Variants in SSBP3 observed in about 807,000 individuals in gnomAD.
SSBP3 encodes single stranded DNA binding protein 3.
SSBP3 carries 5 observed loss-of-function variants against 69.6 expected under a neutral mutation model. That is an observed-to-expected ratio of 0.07 (90% confidence interval 0.04 to 0.15). SSBP3 has a LOEUF of 0.15. Among genes scored for constraint, SSBP3 ranks in the 10% least tolerant of loss-of-function variants. SSBP3 has a pLI of 1.00. For synonymous variants in SSBP3, 196 were observed against 193.4 expected (o/e 1.01, Z -0.11); for missense variants, 312 against 534.0 (o/e 0.58, Z 4.10).
Position 54,396,003 on chromosome 1 carries a change from C to G in SSBP3, c.276+5858G>C, listed in dbSNP as rs569836435. Among the ~76,000 whole-genome samples the G allele has an allele frequency of 8.6e-5, 13 of 152,012 alleles. No homozygotes were observed. The South Asian group carries it at 2.7e-3, about 32-fold the overall frequency. On this transcript the variant is annotated intron_variant, in intron 4 of 17. Transcript: ENST00000610401. ...GTCAGGAGTTCGAGACCAGCCTGGCCAAGATGGCGAAACCCTGTCTCTACT... is the reference window on the plus strand; with the variant it reads ...GTCAGGAGTTCGAGACCAGCCTGGCGAAGATGGCGAAACCCTGTCTCTACT...
At chr1:54,407,654 TTA>T (rs1649868303), upstream of SSBP3, among the ~76,000 whole-genome samples, 1 of 152,004 alleles carries the variant, frequency 6.6e-6, no homozygotes, top group South Asian at 2.1e-4. Flanking sequence ...CACTGTCTCT[TTA>T]AAAGAGTCAA....
intron 4 of SSBP3, among the ~76,000 whole-genome samples, chr1:54,336,623 C>T (rs1646511853): frequency 6.6e-6 from 1 of 152,180 alleles, no homozygotes; most frequent in African/African-American, 2.4e-5. Flanking sequence ...TCCTAAAAGG[C>T]TTCTCAAGCC....
intron 4 of SSBP3, among the ~76,000 whole-genome samples, chr1:54,353,479 A>T (rs1198823084): frequency 3.9e-5 from 6 of 152,260 alleles, no homozygotes; most frequent in South Asian, 2.1e-4. Context: ...CTCCTCTGAG[A>T]TGTATCCACT....
intron 4 of SSBP3, among the ~76,000 whole-genome samples, chr1:54,347,359 T>A (rs542288850): frequency 6.7e-6 from 1 of 150,186 alleles, no homozygotes; most frequent in African/African-American, 2.5e-5. Flanking sequence ...TTTTTTAATT[T>A]GTCCCCTTTT....
intron 4 of SSBP3, among the ~76,000 whole-genome samples, chr1:54,392,207 C>T (rs1648549151): frequency 6.6e-6 from 1 of 152,146 alleles, no homozygotes; most frequent in Admixed American, 6.6e-5. Context: ...ACTCTGAAAG[C>T]ACAACATGTG....
intron 4 of SSBP3, among the ~76,000 whole-genome samples, chr1:54,358,776 A>G (rs556579861): frequency 6.6e-6 from 1 of 152,318 alleles, no homozygotes; most frequent in Non-Finnish European, 1.5e-5. Context: ...TCAACGACAC[A>G]GGGAAATTCC....
At chr1:54,254,821 CTTTT>C (rs925861679) in intron 7 of SSBP3, among the ~76,000 whole-genome samples, 8 of 152,094 alleles carry the variant, frequency 5.3e-5, no homozygotes, top group Non-Finnish European at 1.0e-4. Flanking sequence ...GTGTGGATTT[CTTTT>C]TTTATCTTTT....
chr1:54,348,220 G>C (rs951458458), intron 4 of SSBP3, among the ~76,000 whole-genome samples: 1 of 117,256 alleles, frequency 8.5e-6, no homozygotes, highest in African/African-American at 3.4e-5. Context: ...TAACCCACAA[G>C]GTTTGGGAAA....
At chr1:54,404,444 G>C (rs936258907) in intron 3 of SSBP3, 132 bp downstream of exon 3, 80 of 1,067,526 alleles carry the variant, frequency 7.5e-5, no homozygotes, top group Middle Eastern at 3.1e-4. Context: ...GGAGTGCCTC[G>C]AGGTGCCCCG....
chr1:54,406,797 C>T (rs1328707457), upstream of SSBP3, among the ~76,000 whole-genome samples: 1 of 151,726 alleles, frequency 6.6e-6, no homozygotes, highest in East Asian at 2.0e-4. Context: ...CAAGCGGTCG[C>T]CGCTCGCTCC....
chr1:54,251,607 G>C lies in SSBP3; in HGVS notation c.651+9C>G. ...CAGGGAGACGGACGGACAGACAGGC[G>C]GTGGTTACCTGTGGGCCGGGACCCA... is the stretch of plus-strand genomic sequence containing the variant. On this transcript the variant is annotated intron_variant, in intron 9 of 17. Coordinates refer to ENST00000610401, the Ensembl canonical transcript of SSBP3. The C allele has an allele frequency of 1.3e-6, 2 of 1,551,308 alleles. No individual in the cohort carries two copies. Among genetic ancestry groups the C allele is most frequent in the Non-Finnish European group, 1.7e-6 (2 of 1,146,754 alleles).
chr1:54,372,416 G>A (rs1647150118), intron 4 of SSBP3, among the ~76,000 whole-genome samples: 1 of 151,908 alleles, frequency 6.6e-6, no homozygotes, highest in Non-Finnish European at 1.5e-5. Flanking sequence ...TTGAGGCCCA[G>A]CAGCAACACC....
chr1:54,305,109 G>A (rs1024284857), intron 4 of SSBP3, among the ~76,000 whole-genome samples: 1 of 152,214 alleles, frequency 6.6e-6, no homozygotes, highest in Admixed American at 6.5e-5. Flanking sequence ...TGGGAGGCCA[G>A]GCCAGGGGTA....
chr1:54,355,291 T>C (rs1013864351), intron 4 of SSBP3, among the ~76,000 whole-genome samples: 1 of 152,220 alleles, frequency 6.6e-6, no homozygotes, highest in Non-Finnish European at 1.5e-5. Flanking sequence ...TATCTGGAGA[T>C]AAATACAAGA....
intron 4 of SSBP3, among the ~76,000 whole-genome samples, chr1:54,302,804 T>C (rs1231583532): frequency 1.3e-5 from 2 of 152,216 alleles, no homozygotes. Flanking sequence ...TGCTCATTTA[T>C]GACAGGAGGG....
intron 4 of SSBP3, among the ~76,000 whole-genome samples, chr1:54,323,285 A>G (rs1242673208): frequency 6.6e-6 from 1 of 151,208 alleles, no homozygotes; most frequent in African/African-American, 2.5e-5. Flanking sequence ...GATGCACAAG[A>G]TAACAGATAC....
chr1:54,268,207 G>A (rs140785017), intron 5 of SSBP3, among the ~76,000 whole-genome samples: 2 of 152,384 alleles, frequency 1.3e-5, no homozygotes, highest in African/African-American at 2.4e-5. Flanking sequence ...TGGGGTGAAC[G>A]TGGCCTTGCC....
At chr1:54,353,499 C>A (rs1481106468) in intron 4 of SSBP3, among the ~76,000 whole-genome samples, 1 of 152,196 alleles carries the variant, frequency 6.6e-6, no homozygotes, top group Non-Finnish European at 1.5e-5. Flanking sequence ...TCTGAAAAAC[C>A]CTGTGCACCC....
At chr1:54,329,877 C>T (rs1353630422) in intron 4 of SSBP3, among the ~76,000 whole-genome samples, 16 of 152,068 alleles carry the variant, frequency 1.1e-4, no homozygotes, top group East Asian at 3.9e-4. Flanking sequence ...GGCTGGAGTA[C>T]GGAGGGGAGA....
Sources: gnomAD v4.1 joint callset for allele counts (sites outside exome capture counted in the v4.1 genomes callset) on GRCh38, gnomAD v4.1.1 for gene constraint, MANE v1.5 for transcripts, NCBI Gene and HGNC (gene_info 2026-07-23, HGNC 2026-07-21) for gene names.